Variants in VKORC1 observed in about 807,000 individuals in gnomAD.
The protein encoded by VKORC1 is phylloquinone epoxide reductase.
VKORC1 carries 12 observed loss-of-function variants against 14.8 expected under a neutral mutation model. The observed-to-expected ratio is 0.81, with a 90% CI of 0.52 to 1.31. The LOEUF is 1.31. Among genes scored for constraint, VKORC1 ranks in the 50% most tolerant of loss-of-function variants. The pLI, the probability that VKORC1 is intolerant of heterozygous loss-of-function variation, is 0.00. For missense variants in VKORC1, 223 were observed against 215.3 expected (o/e 1.04, Z -0.22); for synonymous variants, 94 against 92.5 (o/e 1.02, Z -0.09).
chr16:31,091,434 G>A (rs1289794685), intron 2 of VKORC1, 92 bp from the exon 3 acceptor site: 3 of 1,545,858 alleles, frequency 1.9e-6, no homozygotes, highest in African/African-American at 2.7e-5. Context: ...GATGCCAGGA[G>A]CTGCTGGGAA....
In VKORC1 at chr16:31,094,662, G is replaced by C. The variant is rs1414049720; in HGVS notation, c.68C>G (p.Ser23Trp). 1.2e-6 allele frequency: 2 copies of C among 1,607,750 alleles called. No individual in the cohort carries two copies. The highest frequency in any genetic ancestry group is 1.7e-6 in the Non-Finnish European group (2 of 1,178,666). ...LALCLTGLVL[S>W]LYALHVKAAR... ...CGCCTTCACGTGCAGCGCGTAGAGC[G>C]AGAGCACTAAGCCCGTCAGGCAAAG... The change falls in exon 1 of 3, where the codon TCG (serine) becomes TGG (tryptophan). Residue 23 changes from serine to tryptophan, a missense_variant. Transcript: ENST00000394975.
rs1422853313 is a variant in VKORC1, at chr16:31,093,338, A to C, written c.257T>G (p.Ile86Ser). The change falls in exon 2 of 3, where the codon ATC becomes AGC. Residue 86 changes from isoleucine to serine, a missense_variant. Ile to Ser is a moderately radical substitution (Grantham distance 142). Transcript: ENST00000394975. The stretch of plus-strand genomic sequence containing the variant: ...TAACAATAGCTGTAGTGTGTAGAAG[A>C]TGCAACCGAATATGCTGTTGGATTG... ...LNQSNSIFGC[I>S]FYTLQLLLGC... 1 of 1,614,052 alleles carries C rather than the reference A, an allele frequency of 6.2e-7. No individual in the cohort carries two copies. The highest frequency in any genetic ancestry group is 1.3e-5 in the African/African-American group (1 of 75,024).
At chr16:31,091,737 A>T (rs1335682142) in intron 2 of VKORC1, among the ~76,000 whole-genome samples, 1 of 152,154 alleles carries the variant, frequency 6.6e-6, no homozygotes, top group Non-Finnish European at 1.5e-5. Context: ...AAATACAAAA[A>T]TTAGCCGGGT....
intron 1 of VKORC1, chr16:31,094,293 T>G (rs369810433): frequency 6.2e-7 from 1 of 1,612,792 alleles, no homozygotes; most frequent in African/African-American, 1.3e-5. Context: ...TCCCCGCCTT[T>G]CCTGGTCACC....
rs1567420395 is a variant in VKORC1 at position 31,091,088 on chromosome 16, A to G, written c.*46T>C. On this transcript the variant is annotated 3_prime_UTR_variant, in exon 3 of 3. Transcript: ENST00000394975. ...ATATGCCCCCTTAGGCAAGGCTCAC[A>G]TGCCAAAGCAAAGCAGATGAGGTCA... is the stretch of plus-strand genomic sequence containing the variant. The G allele has an allele frequency of 2.5e-6, 4 of 1,608,972 alleles. No homozygotes were observed. Among genetic ancestry groups the G allele is most frequent in the Non-Finnish European group, 2.5e-6 (3 of 1,178,512 alleles).
rs1441760582 is a variant in VKORC1, at chr16:31,091,095, A to T, written c.*39T>A. On this transcript the variant is annotated 3_prime_UTR_variant, in exon 3 of 3. Transcript: ENST00000394975. ...CCCTTAGGCAAGGCTCACATGCCAAAGCAAAGCAGATGAGGTCAGCCTGGC... is the reference window on the plus strand; with the variant it reads ...CCCTTAGGCAAGGCTCACATGCCAATGCAAAGCAGATGAGGTCAGCCTGGC... The T allele has an allele frequency of 1.9e-6, 3 of 1,610,472 alleles. No individual in the cohort carries two copies. The African/African-American group carries it at 4.0e-5, about 22-fold the overall frequency.
intron 1 of VKORC1, chr16:31,093,677 A>G (rs1263579583): frequency 1.7e-5 from 6 of 363,064 alleles, no homozygotes; most frequent in Non-Finnish European, 2.8e-5. Context: ...CCTGCTTTTC[A>G]TCTTAGACCT....
intron 2 of VKORC1, 119 bp downstream of exon 2, chr16:31,093,193 T>C (rs1178497394): frequency 1.9e-6 from 2 of 1,078,450 alleles, no homozygotes; most frequent in African/African-American, 1.6e-5. Flanking sequence ...CGCTCCGTGA[T>C]GAGCAGCTAG....
chr16:31,093,236 C>T (rs1265441896), intron 2 of VKORC1, 76 bp downstream of exon 2: 1 of 1,394,584 alleles, frequency 7.2e-7, no homozygotes, highest in East Asian at 2.5e-5. Flanking sequence ...ACCAAGATTG[C>T]ATGGAGTGGG....
At chr16:31,093,278 G>A in intron 2 of VKORC1, 34 bp downstream of exon 2, 2 of 1,590,890 alleles carry the variant, frequency 1.3e-6, no homozygotes, top group Non-Finnish European at 1.7e-6. Flanking sequence ...GAGGGGCGGG[G>A]CGGGGCGGGC....
At chr16:31,092,176 C>CAAAAAA (rs35224256) in intron 2 of VKORC1, among the ~76,000 whole-genome samples, 2 of 37,180 alleles carry the variant, frequency 5.4e-5, no homozygotes, top group Non-Finnish European at 5.5e-5. Context: ...GACTATGTCG[C>CAAAAAA]AAAAAAAAAA....
At chr16:31,091,468 AG>A (rs1428527032) in intron 2 of VKORC1, 126 bp from the exon 3 acceptor site, 9 of 1,520,480 alleles carry the variant, frequency 5.9e-6, no homozygotes, top group Non-Finnish European at 7.1e-6. Flanking sequence ...AAGAGGCTCC[AG>A]GGCAGATGTG....
rs746973746 is a variant in VKORC1 at position 31,093,276 on chromosome 16, G to T, written c.283+36C>A. ...AGCTGACCAAGGGGGATGAGGGGCG[G>T]GGCGGGGCGGGCAGGGAGGGGGCGG... On this transcript the variant is annotated intron_variant, in intron 2 of 2. Coordinates refer to ENST00000394975, the MANE Select transcript of VKORC1 (RefSeq NM_024006.6). 6.3e-6 allele frequency: 10 copies of T among 1,591,572 alleles called. No homozygotes were observed. The South Asian group carries it at 7.8e-5, about 12-fold the overall frequency.
chr16:31,093,699 CTTTTTTTT>C (rs71151446), intron 1 of VKORC1: 71 of 68,094 alleles, frequency 1.0e-3, no homozygotes, highest in Admixed American at 2.4e-3. Context: ...AAGTAAGTCT[CTTTTTTTT>C]TTTTTTTTTT....
At chr16:31,094,026 A>G in intron 1 of VKORC1, 1 of 939,686 alleles carries the variant, frequency 1.1e-6, no homozygotes, top group Non-Finnish European at 1.6e-6. Context: ...TTAAAATGGC[A>G]AGGCTGGTAT....
At chr16:31,093,244 G>A in intron 2 of VKORC1, 68 bp downstream of exon 2, 1 of 1,489,760 alleles carries the variant, frequency 6.7e-7, no homozygotes. Flanking sequence ...TGCATGGAGT[G>A]GGGCTGAGCT....
At chr16:31,093,467 C>G (rs1483161898) in intron 1 of VKORC1, 46 bp from the exon 2 acceptor site, 49 of 1,613,868 alleles carry the variant, frequency 3.0e-5, no homozygotes, top group Non-Finnish European at 4.2e-5. Flanking sequence ...GGACTGTCAA[C>G]CCAGTGCCTT....
chr16:31,093,958 C>A, intron 1 of VKORC1: 1 of 465,428 alleles, frequency 2.1e-6, no homozygotes, highest in Non-Finnish European at 3.8e-6. Flanking sequence ...TCCGCCTCGG[C>A]CTCCCAAAGT....
chr16:31,094,441 G>A (rs1397802866), intron 1 of VKORC1, 116 bp downstream of exon 1: 1 of 1,612,922 alleles, frequency 6.2e-7, no homozygotes, highest in Non-Finnish European at 8.5e-7. Context: ...ACGACCCCGC[G>A]AGCAGTCCAG....
Sources: gnomAD v4.1 joint callset for allele counts (sites outside exome capture counted in the v4.1 genomes callset) on GRCh38, gnomAD v4.1.1 for gene constraint, MANE v1.5 for transcripts, NCBI Gene and HGNC (gene_info 2026-07-23, HGNC 2026-07-21) for gene names.